The following NELL1 variants were observed in gnomAD, a reference collection of about 807,000 sequenced individuals.
NELL1 encodes protein kinase C-binding protein NELL1.
NELL1 carries 76 observed loss-of-function variants against 107.4 expected under a neutral mutation model. The ratio of observed to expected loss-of-function variants is 0.71; its 90% CI spans 0.59 to 0.86. The LOEUF is 0.86. Ranked by LOEUF, NELL1 falls within the 40% of genes least tolerant of loss-of-function variation. The pLI is 0.00. For synonymous variants in NELL1, 353 were observed against 341.2 expected, an observed-to-expected ratio of 1.03 and a Z score of -0.38; for missense variants, 1,024 against 1,005.5, an observed-to-expected ratio of 1.02 and a Z score of -0.25.
At chr11:20,795,170 G>A (rs138162578) in intron 3 of NELL1, among the ~76,000 whole-genome samples, 94 of 152,308 alleles carry the variant, frequency 6.2e-4, no homozygotes, top group African/African-American at 2.1e-3. Flanking sequence ...GGGAGTTTGT[G>A]TTTCTTTAAA....
At chr11:21,505,330 C>G (rs549551262) in intron 15 of NELL1, among the ~76,000 whole-genome samples, 1 of 152,114 alleles carries the variant, frequency 6.6e-6, no homozygotes, top group African/African-American at 2.4e-5. Flanking sequence ...TAGAGGAACA[C>G]ATGGACTCTT....
chr11:21,303,368 G>A (rs1849539194), intron 14 of NELL1, among the ~76,000 whole-genome samples: 2 of 151,786 alleles, frequency 1.3e-5, no homozygotes, highest in Non-Finnish European at 2.9e-5. Flanking sequence ...ACAGGTATGT[G>A]AAAAAATGGT....
rs149108716 is a variant in NELL1 at position 21,487,554 on chromosome 11, G to A, written c.1646-46820G>A. 3.0e-3 allele frequency among the ~76,000 whole-genome samples: 451 copies of A among 151,898 alleles called. 2 individuals carry two copies. The highest frequency in any genetic ancestry group is 0.01 in the African/African-American group (418 of 41,396). The stretch of plus-strand genomic sequence containing the variant: ...ATACACACAAATGAGAAAGAGGAAG[G>A]GCTCAAGTGGTTCCACTACAGAAAA... On this transcript the variant is annotated intron_variant, in intron 15 of 19. Coordinates refer to ENST00000357134, the MANE Select transcript of NELL1 (RefSeq NM_006157.5).
intron 13 of NELL1, among the ~76,000 whole-genome samples, chr11:21,215,813 A>C (rs2133865776): frequency 6.6e-6 from 1 of 152,300 alleles, no homozygotes; most frequent in East Asian, 1.9e-4. Context: ...AGAGCATGAA[A>C]GTTTGGATAA....
At chr11:20,730,898 G>C (rs1221301737) in intron 2 of NELL1, among the ~76,000 whole-genome samples, 1 of 152,126 alleles carries the variant, frequency 6.6e-6, no homozygotes, top group Non-Finnish European at 1.5e-5. Flanking sequence ...CTGAGGGAGG[G>C]ATTACATTTT....
At chr11:21,452,259 C>T (rs1853606924) in intron 15 of NELL1, among the ~76,000 whole-genome samples, 1 of 152,070 alleles carries the variant, frequency 6.6e-6, no homozygotes, top group Non-Finnish European at 1.5e-5. Context: ...AGCATACAAA[C>T]TCATTATCAT....
At position 21,437,313 on chromosome 11, in the gene NELL1, A is replaced by G. The variant is rs189085217; in HGVS notation, c.1645+66365A>G. ...ATACTCCATTCTTCAGTTCATATAT[A>G]TTTACAGTTGTTATATTCTCTTGCT... is the stretch of plus-strand genomic sequence containing the variant. On this transcript the variant is annotated intron_variant, in intron 15 of 19. Transcript: ENST00000357134. Among the ~76,000 whole-genome samples the G allele has an allele frequency of 5.9e-5, 9 of 152,266 alleles. No homozygotes were observed. In the East Asian group the frequency reaches 1.4e-3, roughly 23 times the overall value.
At position 20,783,715 on chromosome 11, in the gene NELL1, A is replaced by C. The variant is rs758215793; in HGVS notation, c.220A>C (p.Ser74Arg). Residue 74 changes from serine to arginine, a missense_variant, in exon 3 of 20, where the codon AGT (serine) becomes CGT (arginine). Transcript: ENST00000357134. Reference protein sequence around the residue: ...EREIHAAPHVSEKLIQLFRNK... With the variant: ...EREIHAAPHVREKLIQLFRNK... ...AGAGATCCATGCAGCTCCTCATGTG[A>C]GTGAGAAATTAATTCAGCTGTTCCG... 3.7e-6 allele frequency: 6 copies of C among 1,613,802 alleles called. No homozygotes were observed. The Admixed American group carries it at 1.0e-4, about 27-fold the overall frequency.
intron 15 of NELL1, among the ~76,000 whole-genome samples, chr11:21,413,378 G>C (rs1852428177): frequency 1.3e-5 from 2 of 151,918 alleles, no homozygotes; most frequent in African/African-American, 4.8e-5. Context: ...GTAAATGTGG[G>C]CTTCAGCATC....
intron 12 of NELL1, among the ~76,000 whole-genome samples, chr11:21,057,406 A>G (rs1418945393): frequency 1.3e-5 from 2 of 152,018 alleles, no homozygotes; most frequent in Non-Finnish European, 2.9e-5. Context: ...AGTTTCATCA[A>G]GTGTCTTAAA....
At chr11:21,227,465 C>T (rs1857924479) in intron 13 of NELL1, among the ~76,000 whole-genome samples, 2 of 152,306 alleles carry the variant, frequency 1.3e-5, no homozygotes, top group East Asian at 3.9e-4. Context: ...ATCTACTCAT[C>T]TTTGTATTCC....
At chr11:21,152,078 G>A (rs1856129991) in intron 13 of NELL1, among the ~76,000 whole-genome samples, 1 of 152,162 alleles carries the variant, frequency 6.6e-6, no homozygotes, top group South Asian at 2.1e-4. Flanking sequence ...AGAGTGTTTA[G>A]GCTACTCCTG....
At chr11:21,413,775 A>G (rs1166931396) in intron 15 of NELL1, among the ~76,000 whole-genome samples, 2 of 152,080 alleles carry the variant, frequency 1.3e-5, no homozygotes, top group African/African-American at 4.8e-5. Context: ...TTTTGAGGGT[A>G]TGGCAAGATC....
chr11:21,565,416 T>C (rs1309385597), intron 17 of NELL1, among the ~76,000 whole-genome samples: 2 of 151,836 alleles, frequency 1.3e-5, no homozygotes, highest in Non-Finnish European at 2.9e-5. Context: ...TTCTCCATGA[T>C]TTTGAAGCTT....
At chr11:21,207,569 A>G (rs1857415977) in intron 13 of NELL1, among the ~76,000 whole-genome samples, 1 of 152,202 alleles carries the variant, frequency 6.6e-6, no homozygotes, top group Non-Finnish European at 1.5e-5. Context: ...AGTTCCTACT[A>G]CTTTATGTAC....
At chr11:20,871,054 A>AT (rs1330844326) in intron 4 of NELL1, among the ~76,000 whole-genome samples, 1 of 152,210 alleles carries the variant, frequency 6.6e-6, no homozygotes, top group Non-Finnish European at 1.5e-5. Flanking sequence ...GAGTAAAAAA[A>AT]GCACCGCTTG....
chr11:21,277,943 A>G (rs138429713), intron 14 of NELL1, among the ~76,000 whole-genome samples: 6,517 of 152,250 alleles, frequency 0.043, 285 homozygotes, highest in African/African-American at 0.11. Context: ...GATATACCTA[A>G]TGTTAAATGA....
intron 14 of NELL1, among the ~76,000 whole-genome samples, chr11:21,370,609 C>A (rs527367892): frequency 2.0e-5 from 3 of 152,090 alleles, no homozygotes; most frequent in East Asian, 1.9e-4. Flanking sequence ...TACTAGCTAC[C>A]ATTTAGCGCA....
intron 15 of NELL1, among the ~76,000 whole-genome samples, chr11:21,405,899 G>A (rs1056032291): frequency 3.3e-5 from 5 of 151,952 alleles, no homozygotes; most frequent in African/African-American, 1.2e-4. Flanking sequence ...TGATACCTGG[G>A]AAGATGCTTG....
Sources: allele counts gnomAD v4.1 joint callset (sites outside exome capture counted in the v4.1 genomes callset), GRCh38; gene constraint gnomAD v4.1.1; transcripts MANE v1.5; gene names NCBI Gene and HGNC (gene_info 2026-07-23, HGNC 2026-07-21).